Variants in GALNTL6 observed in about 807,000 individuals in gnomAD.
GALNTL6 encodes polypeptide N-acetylgalactosaminyltransferase-like 6.
In GALNTL6, 46 loss-of-function variants were observed where a neutral mutation model predicts 73.7. That is an observed-to-expected ratio of 0.62 (90% CI 0.49 to 0.80). The LOEUF (loss-of-function observed/expected upper bound fraction) is 0.80. Among genes scored for constraint, GALNTL6 ranks in the 30% least tolerant of loss-of-function variants. GALNTL6 has a pLI of 0.00. For missense variants in GALNTL6, 604 were observed against 755.0 expected (o/e 0.80, Z 2.34); for synonymous variants, 259 against 263.7 (o/e 0.98, Z 0.17).
intron 2 of GALNTL6, among the ~76,000 whole-genome samples, chr4:171,934,863 G>A (rs1440390018): frequency 6.6e-6 from 1 of 152,086 alleles, no homozygotes; most frequent in Non-Finnish European, 1.5e-5. Flanking sequence ...CTGCTTGGTG[G>A]AAACTGTGAA....
At chr4:172,183,357 A>G (rs984083735) in intron 2 of GALNTL6, among the ~76,000 whole-genome samples, 17 of 152,206 alleles carry the variant, frequency 1.1e-4, no homozygotes, top group Non-Finnish European at 8.8e-5. Flanking sequence ...TCCTTAGAGA[A>G]AGAAGCTTAG....
At chr4:172,436,591 G>C (rs1054330775) in intron 5 of GALNTL6, among the ~76,000 whole-genome samples, 4 of 152,038 alleles carry the variant, frequency 2.6e-5, no homozygotes, top group Non-Finnish European at 5.9e-5. Context: ...CAATGCTTAA[G>C]TGAAAAACAC....
intron 4 of GALNTL6, among the ~76,000 whole-genome samples, chr4:172,312,494 T>G (rs976743230): frequency 6.6e-6 from 1 of 152,174 alleles, no homozygotes; most frequent in African/African-American, 2.4e-5. Flanking sequence ...GAATTTGTAA[T>G]GTAGTGTTGG....
At chr4:173,026,198 A>C (rs1274250197) in intron 12 of GALNTL6, among the ~76,000 whole-genome samples, 2 of 152,210 alleles carry the variant, frequency 1.3e-5, no homozygotes, top group Non-Finnish European at 2.9e-5. Context: ...AAAATTCTTG[A>C]CAGGGAGTGA....
At chr4:172,774,853 G>A (rs148473148) in intron 5 of GALNTL6, among the ~76,000 whole-genome samples, 91 of 151,970 alleles carry the variant, frequency 6.0e-4, no homozygotes, top group Non-Finnish European at 7.4e-4. Flanking sequence ...CCAGCTACTC[G>A]GGAGGCTGAG....
At chr4:172,536,285 G>A (rs931006164) in intron 5 of GALNTL6, among the ~76,000 whole-genome samples, 3 of 152,194 alleles carry the variant, frequency 2.0e-5, no homozygotes, top group Non-Finnish European at 4.4e-5. Flanking sequence ...GTGGGGTGCT[G>A]CTGTAAAGAT....
At chr4:172,884,516 T>C (rs1300414063) in intron 8 of GALNTL6, among the ~76,000 whole-genome samples, 1 of 152,172 alleles carries the variant, frequency 6.6e-6, no homozygotes, top group Non-Finnish European at 1.5e-5. Context: ...TATATTCTGG[T>C]TATTATTTCT....
At chr4:171,911,535 C>T (rs915683435) in intron 2 of GALNTL6, among the ~76,000 whole-genome samples, 11 of 152,196 alleles carry the variant, frequency 7.2e-5, no homozygotes, top group African/African-American at 2.7e-4. Flanking sequence ...TGTAGGAAAA[C>T]TCTGACGAGA....
At chr4:172,282,789 G>A (rs895064759) in intron 3 of GALNTL6, among the ~76,000 whole-genome samples, 9 of 152,132 alleles carry the variant, frequency 5.9e-5, no homozygotes, top group African/African-American at 2.2e-4. Context: ...TATTTTGGAG[G>A]CGTAATCAAA....
intron 2 of GALNTL6, among the ~76,000 whole-genome samples, chr4:172,205,320 C>T (rs1459282756): frequency 6.6e-6 from 1 of 152,124 alleles, no homozygotes; most frequent in African/African-American, 2.4e-5. Context: ...ATAGAAAAGT[C>T]TCCAAATGAA....
chr4:172,780,185 A>G (rs1172971514), intron 5 of GALNTL6, among the ~76,000 whole-genome samples: 1 of 152,022 alleles, frequency 6.6e-6, no homozygotes, highest in Non-Finnish European at 1.5e-5. Flanking sequence ...ATCAAATCTT[A>G]AAAATTAGAA....
At chr4:172,626,212 G>A (rs1235589454) in intron 5 of GALNTL6, among the ~76,000 whole-genome samples, 1 of 151,912 alleles carries the variant, frequency 6.6e-6, no homozygotes, top group Non-Finnish European at 1.5e-5. Context: ...GAAACGTAGG[G>A]GTCAGTTTCA....
chr4:172,752,384 A>AT, intron 5 of GALNTL6, among the ~76,000 whole-genome samples: 1 of 152,174 alleles, frequency 6.6e-6, no homozygotes. Context: ...TACTTCCTTC[A>AT]TTTTTTCCCC....
chr4:172,386,366 A>G (rs1371721324), intron 5 of GALNTL6, among the ~76,000 whole-genome samples: 1 of 152,058 alleles, frequency 6.6e-6, no homozygotes. Context: ...TTTTAAGATG[A>G]CCATCTTCTC....
Position 172,436,244 on chromosome 4 carries a change from T to C in GALNTL6, c.553+87555T>C, listed in dbSNP as rs1731631449. ...CTTACCACTGCAAATACTAACTCAC[T>C]AGAAAGGAACATTAAAATCACCAGA... On this transcript the variant is annotated intron_variant, in intron 5 of 12. Transcript: ENST00000506823. Among the ~76,000 whole-genome samples the C allele has an allele frequency of 1.3e-5, 2 of 152,144 alleles. 1 individual carries two copies. Among genetic ancestry groups the C allele is most frequent in the South Asian group, 4.1e-4 (2 of 4,830 alleles).
chr4:172,646,259 G>C (rs1448013146), intron 5 of GALNTL6, among the ~76,000 whole-genome samples: 3 of 152,002 alleles, frequency 2.0e-5, no homozygotes, highest in Non-Finnish European at 4.4e-5. Flanking sequence ...TTGGGGTTTT[G>C]ACTGGCATTG....
At chr4:172,523,428 G>A (rs1461605960) in intron 5 of GALNTL6, among the ~76,000 whole-genome samples, 3 of 151,936 alleles carry the variant, frequency 2.0e-5, no homozygotes, top group Non-Finnish European at 2.9e-5. Flanking sequence ...GCAGTGGCTC[G>A]ATCTCGGCTC....
chr4:172,358,386 G>A (rs915948868), intron 5 of GALNTL6, among the ~76,000 whole-genome samples: 1 of 152,396 alleles, frequency 6.6e-6, no homozygotes, highest in East Asian at 1.9e-4. Context: ...GTAAGTTCAT[G>A]CTTGAAGGGC....
chr4:172,249,963 C>G (rs1298726407), intron 3 of GALNTL6, among the ~76,000 whole-genome samples: 1 of 152,150 alleles, frequency 6.6e-6, no homozygotes, highest in Non-Finnish European at 1.5e-5. Context: ...CCTAGTGGAG[C>G]TGTGAGAAGA....
Sources: gnomAD v4.1 joint callset for allele counts (sites outside exome capture counted in the v4.1 genomes callset) on GRCh38, gnomAD v4.1.1 for gene constraint, MANE v1.5 for transcripts, NCBI Gene and HGNC (gene_info 2026-07-23, HGNC 2026-07-21) for gene names.